The following MYO3B variants were observed in gnomAD, a reference collection of about 807,000 sequenced individuals.
The protein encoded by MYO3B is myosin-IIIb.
A neutral mutation model predicts 174.6 loss-of-function variants in MYO3B; 156 were observed. The ratio of observed to expected loss-of-function variants is 0.89; its 90% CI spans 0.78 to 1.02. The LOEUF is 1.02. Among genes scored for constraint, MYO3B ranks in the 50% least tolerant of loss-of-function variants. MYO3B has a pLI of 0.00. For missense variants in MYO3B, 1,632 were observed against 1,639.4 expected, an observed-to-expected ratio of 1.00 and a Z score of 0.08; for synonymous variants, 563 against 569.1, an observed-to-expected ratio of 0.99 and a Z score of 0.15.
intron 30 of MYO3B, among the ~76,000 whole-genome samples, chr2:170,533,431 G>C (rs1037363111): frequency 1.3e-5 from 2 of 149,228 alleles, no homozygotes; most frequent in Non-Finnish European, 1.5e-5. Flanking sequence ...GGGGTGGGGG[G>C]GGGGTGTGCA....
At chr2:170,283,785 T>C (rs1450342085) in intron 7 of MYO3B, among the ~76,000 whole-genome samples, 1 of 152,224 alleles carries the variant, frequency 6.6e-6, no homozygotes, top group Non-Finnish European at 1.5e-5. Context: ...GCAGTTTATA[T>C]TGGCACTTTC....
chr2:170,387,388 T>C, intron 14 of MYO3B, 80 bp downstream of exon 14: 1 of 1,299,228 alleles, frequency 7.7e-7, no homozygotes, highest in Non-Finnish European at 1.1e-6. Context: ...GGTTCAGTTT[T>C]CATTCTTGTT....
At chr2:170,322,188 C>G (rs188168635) in intron 7 of MYO3B, among the ~76,000 whole-genome samples, 17 of 151,866 alleles carry the variant, frequency 1.1e-4, no homozygotes, top group Non-Finnish European at 7.4e-5. Flanking sequence ...ACTCCCACCC[C>G]AGGAAGTGAC....
At chr2:170,275,749 A>G (rs778324940) in intron 7 of MYO3B, among the ~76,000 whole-genome samples, 38 of 151,876 alleles carry the variant, frequency 2.5e-4, no homozygotes, top group Non-Finnish European at 4.3e-4. Flanking sequence ...TCTGTGCATT[A>G]AAAAAAATAC....
intron 25 of MYO3B, among the ~76,000 whole-genome samples, chr2:170,496,110 G>A (rs948981838): frequency 1.3e-5 from 2 of 152,198 alleles, no homozygotes; most frequent in African/African-American, 4.8e-5. Flanking sequence ...CTTGGCTACT[G>A]TTCAGGTTCA....
At chr2:170,352,488 C>A (rs1558915466) in intron 8 of MYO3B, among the ~76,000 whole-genome samples, 1 of 152,138 alleles carries the variant, frequency 6.6e-6, no homozygotes. Context: ...AAAGAGATTT[C>A]TATCTATATG....
intron 32 of MYO3B, among the ~76,000 whole-genome samples, chr2:170,627,723 G>A (rs575692991): frequency 6.6e-6 from 1 of 151,876 alleles, no homozygotes; most frequent in Non-Finnish European, 1.5e-5. Context: ...TACAGATGGG[G>A]TTTTGGTGTG....
chr2:170,643,994 G>C (rs1427738152), intron 32 of MYO3B: 1 of 152,252 alleles, frequency 6.6e-6, no homozygotes, highest in East Asian at 1.9e-4. Flanking sequence ...GGACAGCGTA[G>C]GAGGGGGCAT....
intron 24 of MYO3B, among the ~76,000 whole-genome samples, chr2:170,466,258 C>T (rs1476136603): frequency 1.3e-5 from 2 of 151,318 alleles, no homozygotes; most frequent in South Asian, 2.1e-4. Context: ...CTAGATAGAG[C>T]ATGTTCTTAG....
In MYO3B at chr2:170,399,473, CAA is replaced by C. The variant is rs11296778; in HGVS notation, c.1792-701_1792-700del. On this transcript the variant is annotated intron_variant, in intron 16 of 34. Coordinates refer to ENST00000408978, the MANE Select transcript of MYO3B (RefSeq NM_138995.5). ...AGGGTGACAGAGCAAGACTCTATCT[CAA>C]AAAAAAAAAAAAAGGTTAATTATAT... Among the ~76,000 whole-genome samples, 175 of 123,606 alleles carry C rather than the reference CAA, an allele frequency of 1.4e-3. No individual in the cohort carries two copies. In the South Asian group the frequency reaches 0.025, roughly 18 times the overall value. 81.1% of individuals were successfully genotyped at this position (123,606 alleles called of 152,430 possible). A position where few individuals can be genotyped will look rare whatever the true frequency, so the allele number is the denominator to read the frequency against.
chr2:170,268,327 G>A (rs1443673483), intron 7 of MYO3B, among the ~76,000 whole-genome samples: 1 of 152,166 alleles, frequency 6.6e-6, no homozygotes, highest in Non-Finnish European at 1.5e-5. Context: ...ATGGCAGAAT[G>A]ATTAGACCTA....
At chr2:170,274,113 A>T (rs539984533) in intron 7 of MYO3B, among the ~76,000 whole-genome samples, 18 of 152,204 alleles carry the variant, frequency 1.2e-4, no homozygotes, top group African/African-American at 4.3e-4. Flanking sequence ...AGAGAGATCA[A>T]GACTGAGAGA....
At chr2:170,528,183 C>G (rs1271717040) in intron 30 of MYO3B, among the ~76,000 whole-genome samples, 2 of 152,186 alleles carry the variant, frequency 1.3e-5, no homozygotes, top group Non-Finnish European at 2.9e-5. Context: ...CATCTACCTT[C>G]CTAACTCAAA....
intron 16 of MYO3B, among the ~76,000 whole-genome samples, chr2:170,399,227 A>G (rs1574915426): frequency 3.1e-5 from 3 of 98,272 alleles, no homozygotes; most frequent in Non-Finnish European, 6.1e-5. Context: ...GGGCAACAAG[A>G]GCGAAATTCC....
In MYO3B at chr2:170,599,886, A is replaced by G. The variant is rs554039282; in HGVS notation, c.3734-51742A>G. ...CATATTTGCTTTTATCATTTTTTAAATTTTTTAATATTTAGATTTAATACA... is the reference window on the plus strand; with the variant it reads ...CATATTTGCTTTTATCATTTTTTAAGTTTTTTAATATTTAGATTTAATACA... On this transcript the variant is annotated intron_variant, in intron 32 of 34. Transcript: ENST00000408978. Among the ~76,000 whole-genome samples, 4 of 152,238 alleles carry G rather than the reference A, an allele frequency of 2.6e-5. No homozygotes were observed. In the East Asian group the frequency reaches 7.7e-4, roughly 29 times the overall value.
chr2:170,410,167 G>T (rs750175334), intron 22 of MYO3B, among the ~76,000 whole-genome samples: 17 of 152,094 alleles, frequency 1.1e-4, no homozygotes, highest in Non-Finnish European at 2.1e-4. Flanking sequence ...TGCTTTAATT[G>T]TTTTATCGAA....
chr2:170,194,682 T>G (rs953628039), intron 1 of MYO3B, among the ~76,000 whole-genome samples: 6 of 152,130 alleles, frequency 3.9e-5, no homozygotes, highest in African/African-American at 1.4e-4. Flanking sequence ...ACAGAACTAA[T>G]AGGATATACG....
chr2:170,228,069 G>A (rs2092971437), intron 6 of MYO3B, among the ~76,000 whole-genome samples: 2 of 152,256 alleles, frequency 1.3e-5, no homozygotes, highest in East Asian at 1.9e-4. Context: ...AGTGAGAGGC[G>A]GCAGGAAATC....
rs2092803975 is a variant in MYO3B at position 170,214,280 on chromosome 2, A to C, written c.322-99A>C. On this transcript the variant is annotated intron_variant, in intron 3 of 34. Coordinates refer to ENST00000408978, the MANE Select transcript of MYO3B (RefSeq NM_138995.5). ...GAGTTTTGTAATCTGCAAATTTACT[A>C]CATTGAATCAGTATCAGTCGGCTTT... 1.6e-5 allele frequency: 14 copies of C among 859,526 alleles called. No homozygotes were observed. The East Asian group carries it at 3.6e-4, about 22-fold the overall frequency. The allele number at this position is 859,526 out of a possible 1,614,324, so 53.2% of individuals were successfully genotyped here.
Sources: gnomAD v4.1 joint callset for allele counts (sites outside exome capture counted in the v4.1 genomes callset) on GRCh38, gnomAD v4.1.1 for gene constraint, MANE v1.5 for transcripts, NCBI Gene and HGNC (gene_info 2026-07-23, HGNC 2026-07-21) for gene names.